The following TMCC1 variants were observed in gnomAD, a reference collection of about 807,000 sequenced individuals.
TMCC1 encodes transmembrane and coiled-coil domain family 1, also known as transmembrane and coiled-coil domains protein 1.
TMCC1 carries 15 observed loss-of-function variants against 52.4 expected under a neutral mutation model. The ratio of observed to expected loss-of-function variants is 0.29; its 90% confidence interval spans 0.19 to 0.44. The LOEUF (loss-of-function observed/expected upper bound fraction) is 0.44, where lower values mean the gene tolerates loss of function less well. TMCC1 is among the 20% of genes least tolerant of loss of function. The pLI is 1.00. For missense variants in TMCC1, 503 were observed against 806.0 expected, an observed-to-expected ratio of 0.62 and a Z score of 4.55; for synonymous variants, 279 against 301.9, an observed-to-expected ratio of 0.92 and a Z score of 0.79.
intron 4 of TMCC1, among the ~76,000 whole-genome samples, chr3:129,717,478 C>G (rs1466379981): frequency 6.6e-6 from 1 of 152,124 alleles, no homozygotes; most frequent in African/African-American, 2.4e-5. Context: ...TCCTATGACT[C>G]TAAGAGTCTC....
chr3:129,711,254 C>T (rs566372458), intron 4 of TMCC1, among the ~76,000 whole-genome samples: 1 of 152,244 alleles, frequency 6.6e-6, no homozygotes, highest in East Asian at 1.9e-4. Flanking sequence ...CAGTCTATGT[C>T]CAAAGTTTAT....
intron 5 of TMCC1, among the ~76,000 whole-genome samples, chr3:129,658,862 T>A (rs2086838861): frequency 6.6e-6 from 1 of 152,176 alleles, no homozygotes; most frequent in African/African-American, 2.4e-5. Context: ...TAGTTTGGTC[T>A]TTAGTTCAAT....
chr3:129,843,053 A>G (rs1085071), intron 2 of TMCC1, among the ~76,000 whole-genome samples: 35,812 of 152,166 alleles, frequency 0.24, 6,814 homozygotes, highest in East Asian at 0.57. Context: ...AATTATAACT[A>G]AAACAGAAGG....
intron 2 of TMCC1, among the ~76,000 whole-genome samples, chr3:129,846,542 A>C (rs2107886380): frequency 6.6e-6 from 1 of 152,288 alleles, no homozygotes; most frequent in East Asian, 1.9e-4. Flanking sequence ...ATAAGGAGCA[A>C]CATTTTTCCA....
At chr3:129,772,799 A>G (rs2054714075) in intron 4 of TMCC1, among the ~76,000 whole-genome samples, 1 of 151,942 alleles carries the variant, frequency 6.6e-6, no homozygotes, top group Admixed American at 6.6e-5. Context: ...GATACTAGAC[A>G]TTGCTCACAA....
intron 4 of TMCC1, among the ~76,000 whole-genome samples, chr3:129,726,789 C>A (rs534053045): frequency 1.4e-5 from 2 of 140,782 alleles, no homozygotes; most frequent in African/African-American, 5.3e-5. Flanking sequence ...TGAGGCAGAA[C>A]TGCTTGAACC....
At position 129,687,803 on chromosome 3, in the gene TMCC1, C is replaced by T. The variant is rs370568407; in HGVS notation, c.577-16539G>A. On this transcript the variant is annotated intron_variant, in intron 4 of 6. Coordinates refer to ENST00000393238, the MANE Select transcript of TMCC1 (RefSeq NM_001017395.5). ...CTTATGTTCTCAGCCTATTACTGTT[C>T]CAGTGGCAACAACTCTATAACAGGA... 4.6e-5 allele frequency among the ~76,000 whole-genome samples: 7 copies of T among 152,324 alleles called. No homozygotes were observed. In the East Asian group the frequency reaches 1.3e-3, roughly 29 times the overall value.
intron 4 of TMCC1, among the ~76,000 whole-genome samples, chr3:129,711,773 G>A (rs1341160590): frequency 6.9e-6 from 1 of 145,078 alleles, no homozygotes; most frequent in African/African-American, 2.6e-5. Context: ...GGCGGATCAC[G>A]AGGTCAGGAG....
At chr3:129,824,529 G>T (rs758728308) in intron 4 of TMCC1, among the ~76,000 whole-genome samples, 4 of 152,144 alleles carry the variant, frequency 2.6e-5, no homozygotes, top group African/African-American at 9.7e-5. Flanking sequence ...TGGGGCCAAT[G>T]AATACATATT....
At chr3:129,877,872 A>C (rs1264952806) in intron 2 of TMCC1, among the ~76,000 whole-genome samples, 5 of 151,852 alleles carry the variant, frequency 3.3e-5, no homozygotes, top group Non-Finnish European at 5.9e-5. Flanking sequence ...TCCTGATCTC[A>C]TGATCCACCC....
At chr3:129,834,311 G>A (rs184337543) in intron 2 of TMCC1, among the ~76,000 whole-genome samples, 2 of 152,266 alleles carry the variant, frequency 1.3e-5, no homozygotes, top group East Asian at 3.9e-4. Flanking sequence ...CTGAATAGGG[G>A]AAATAAGATT....
At chr3:129,681,890 A>G (rs2089018494) in intron 4 of TMCC1, among the ~76,000 whole-genome samples, 1 of 151,342 alleles carries the variant, frequency 6.6e-6, no homozygotes, top group South Asian at 2.1e-4. Context: ...CCTGGACAAC[A>G]GTGAGACTTC....
At position 129,651,772 on chromosome 3, in the gene TMCC1, C is replaced by A; in HGVS notation, c.1671G>T (p.Thr557=). The change falls in exon 7 of 7, where the codon ACG becomes ACT. Residue 557 remains threonine, a synonymous_variant. Transcript: ENST00000393238. This position sits in a 1 kb window ranked among gnomAD's most constrained non-coding sequence, Gnocchi z 5.1. ...GCTGCAGCTCCATCTTGGAGATGCG[C>A]GTCTGGCATGCCTCCAGGGCCTCCT... ...DIQEALEACQ[T]RISKMELQQQ... is the part of the protein sequence containing the mutation. 6.2e-7 allele frequency: 1 copy of A among 1,613,858 alleles called. No individual in the cohort carries two copies. The highest frequency in any genetic ancestry group is 1.3e-5 in the African/African-American group (1 of 75,066).
intron 4 of TMCC1, among the ~76,000 whole-genome samples, chr3:129,775,210 T>A (rs997134666): frequency 5.9e-5 from 9 of 152,092 alleles, no homozygotes; most frequent in African/African-American, 2.2e-4. Flanking sequence ...TTTGGGAGGC[T>A]GAGGCAGGAG....
At chr3:129,883,721 G>C (rs1031838021) in intron 1 of TMCC1, among the ~76,000 whole-genome samples, 2 of 152,098 alleles carry the variant, frequency 1.3e-5, no homozygotes, top group African/African-American at 4.8e-5. Flanking sequence ...GCTCACACTT[G>C]TAATCCCAAC....
At chr3:129,724,022 G>A (rs1395842226) in intron 4 of TMCC1, among the ~76,000 whole-genome samples, 1 of 151,384 alleles carries the variant, frequency 6.6e-6, no homozygotes, top group Non-Finnish European at 1.5e-5. Context: ...GGAATATGCC[G>A]AATAACCCTC....
At chr3:129,827,659 A>T in intron 4 of TMCC1, 144 bp downstream of exon 4, 1 of 846,992 alleles carries the variant, frequency 1.2e-6, no homozygotes, top group Non-Finnish European at 1.8e-6. Flanking sequence ...ATTATTATTT[A>T]CCCATTTGAA....
intron 4 of TMCC1, among the ~76,000 whole-genome samples, chr3:129,708,526 A>G (rs1000010079): frequency 2.0e-5 from 3 of 152,262 alleles, no homozygotes; most frequent in Non-Finnish European, 4.4e-5. Flanking sequence ...GTACAGCTGA[A>G]TCACATAATG....
At chr3:129,654,478 A>G (rs887327573) in intron 6 of TMCC1, among the ~76,000 whole-genome samples, 1 of 151,928 alleles carries the variant, frequency 6.6e-6, no homozygotes, top group African/African-American at 2.4e-5. Flanking sequence ...TAGAAATAAG[A>G]AAAAATTAAA....
Sources: allele counts gnomAD v4.1 joint callset (sites outside exome capture counted in the v4.1 genomes callset), GRCh38; gene constraint gnomAD v4.1.1; non-coding constraint Gnocchi (gnomAD v3.1); transcripts MANE v1.5; gene names NCBI Gene and HGNC (gene_info 2026-07-23, HGNC 2026-07-21).